PCSK5: variants seen among roughly 807,000 people sequenced by gnomAD.
PCSK5 encodes proprotein convertase subtilisin/kexin type 5, also known as prohormone convertase 5.
In PCSK5, 129 loss-of-function variants were observed where a neutral mutation model predicts 233.2. The ratio of observed to expected loss-of-function variants is 0.55; its 90% confidence interval spans 0.48 to 0.64. The LOEUF is 0.64. PCSK5 is among the 30% of genes least tolerant of loss of function. The pLI, the probability that PCSK5 is intolerant of heterozygous loss-of-function variation, is 0.00. For missense variants in PCSK5, 2,076 were observed against 2,430.1 expected (o/e 0.85, Z 3.06); for synonymous variants, 825 against 879.2 (o/e 0.94, Z 1.09).
chr9:75,995,358 G>A (rs781083435), intron 3 of PCSK5, among the ~76,000 whole-genome samples: 3 of 152,114 alleles, frequency 2.0e-5, no homozygotes, highest in Non-Finnish European at 4.4e-5. Context: ...AATGTGTGTT[G>A]AATGAATGAA....
intron 2 of PCSK5, among the ~76,000 whole-genome samples, chr9:75,947,286 C>T (rs1176809708): frequency 6.6e-6 from 1 of 151,908 alleles, no homozygotes; most frequent in Admixed American, 6.6e-5. Flanking sequence ...TTTTACAAAG[C>T]CATGAAAATT....
intron 5 of PCSK5, among the ~76,000 whole-genome samples, chr9:76,049,208 G>A (rs1829535885): frequency 6.6e-6 from 1 of 152,098 alleles, no homozygotes; most frequent in Admixed American, 6.5e-5. Flanking sequence ...AATATTTGGC[G>A]ATTCCTGCTC....
At chr9:75,931,096 AATG>A (rs1823770888) in intron 1 of PCSK5, among the ~76,000 whole-genome samples, 2 of 152,194 alleles carry the variant, frequency 1.3e-5, no homozygotes, top group Non-Finnish European at 2.9e-5. Context: ...TTCAAATCTT[AATG>A]ATGAGACATT....
chr9:75,931,002 C>A (rs541804849), intron 1 of PCSK5, among the ~76,000 whole-genome samples: 2 of 152,132 alleles, frequency 1.3e-5, no homozygotes, highest in African/African-American at 4.8e-5. Context: ...CTGCATTCCC[C>A]GCTTGTTTTC....
chr9:76,121,835 T>A (rs1333869149), intron 9 of PCSK5, among the ~76,000 whole-genome samples: 26 of 85,598 alleles, frequency 3.0e-4, no homozygotes, highest in Admixed American at 5.3e-4. Flanking sequence ...TTTTTTTTTT[T>A]TTTTTTGAGA....
At chr9:76,009,945 C>A (rs1222942790) in intron 3 of PCSK5, among the ~76,000 whole-genome samples, 2 of 152,162 alleles carry the variant, frequency 1.3e-5, no homozygotes, top group Non-Finnish European at 2.9e-5. Flanking sequence ...ATGGTCCAAG[C>A]CAGTCACGGG....
chr9:76,156,014 G>A (rs944411579), intron 10 of PCSK5, among the ~76,000 whole-genome samples: 8 of 152,144 alleles, frequency 5.3e-5, no homozygotes, highest in African/African-American at 1.9e-4. Context: ...TGAGCACATC[G>A]CGACAATCAA....
At position 76,328,109 on chromosome 9, in the gene PCSK5, G is replaced by A; in HGVS notation, c.4440G>A (p.Glu1480=). The A allele has an allele frequency of 1.9e-6, 3 of 1,612,842 alleles. No individual in the cohort carries two copies. The highest frequency in any genetic ancestry group is 2.5e-6 in the Non-Finnish European group (3 of 1,179,826). Reference sequence around the variant, plus strand: ...CTCGTGGGAGCTGCATGGCCAACGAGAAGTGCTCACCCTCCGAGTACTGGG... The same window carrying A: ...CTCGTGGGAGCTGCATGGCCAACGAAAAGTGCTCACCCTCCGAGTACTGGG... ...MNPRGSCMAN[E]KCSPSEYWDE... is the part of the protein sequence containing the mutation. Residue 1480 remains glutamate (E), a synonymous_variant, in exon 33 of 38, where the codon GAG becomes GAA. Coordinates refer to ENST00000674117, the MANE Select transcript of PCSK5 (RefSeq NM_001372043.1).
chr9:76,286,650 G>A (rs924633806), intron 24 of PCSK5: 9 of 156,396 alleles, frequency 5.8e-5, no homozygotes, highest in Non-Finnish European at 1.1e-4. Context: ...GCAATAGCAG[G>A]GGTGGGGACA....
chr9:76,128,933 G>A (rs1033613314), intron 9 of PCSK5, among the ~76,000 whole-genome samples: 8 of 152,148 alleles, frequency 5.3e-5, no homozygotes, highest in African/African-American at 1.7e-4. Context: ...CAAAACAAAT[G>A]CACCCCCAGT....
At position 76,350,822 on chromosome 9, in the gene PCSK5, T is replaced by C. The variant is rs1344039440; in HGVS notation, c.4967-6T>C. The C allele has an allele frequency of 2.6e-6, 4 of 1,555,774 alleles. No homozygotes were observed. The East Asian group carries it at 6.7e-5, about 26-fold the overall frequency. ...ATCTCATAACTTAGAATGTTTTCTC[T>C]TTCAGGAAAAGGAGCGTTGAATTGT... is the stretch of plus-strand genomic sequence containing the variant. On this transcript the variant is annotated splice_region_variant and splice_polypyrimidine_tract_variant and intron_variant, in intron 35 of 37. Transcript: ENST00000674117.
chr9:76,048,885 CAG>C (rs1829519551), intron 5 of PCSK5, among the ~76,000 whole-genome samples: 1 of 152,034 alleles, frequency 6.6e-6, no homozygotes, highest in Non-Finnish European at 1.5e-5. Flanking sequence ...TTACATAAAA[CAG>C]AATTCAGTGT....
At chr9:76,120,109 G>A (rs968111758) in intron 9 of PCSK5, among the ~76,000 whole-genome samples, 3 of 151,942 alleles carry the variant, frequency 2.0e-5, no homozygotes, top group South Asian at 2.1e-4. Context: ...AGTTTATTTT[G>A]TTGTCCAGTA....
chr9:76,342,149 A>C (rs1453710116), intron 35 of PCSK5, among the ~76,000 whole-genome samples: 1 of 152,144 alleles, frequency 6.6e-6, no homozygotes, highest in Non-Finnish European at 1.5e-5. Context: ...TTTATTCTAT[A>C]ATTTCATTAT....
chr9:75,940,697 A>G (rs1824263241), intron 2 of PCSK5, among the ~76,000 whole-genome samples: 1 of 152,310 alleles, frequency 6.6e-6, no homozygotes. Flanking sequence ...CCTGTACATA[A>G]TGGAGAGGTT....
chr9:76,323,369 A>C, intron 32 of PCSK5, 81 bp downstream of exon 32: 3 of 800,576 alleles, frequency 3.7e-6, no homozygotes, highest in South Asian at 1.8e-5. Context: ...CTGTCATCTC[A>C]ATCTTTTTTT....
rs369260752 is a variant in PCSK5, at chr9:76,028,985, C to T, written c.632+1948C>T. Among the ~76,000 whole-genome samples, 272 of 152,240 alleles carry T rather than the reference C, an allele frequency of 1.8e-3. 7 individuals carry two copies. The South Asian group carries it at 0.04, about 22-fold the overall frequency. ...TGCAAAGGTGATTCTAGTCCCTCCC[C>T]TTGGGTTTCATAACACCTTATTCTT... On this transcript the variant is annotated intron_variant, in intron 5 of 37. Coordinates refer to ENST00000674117, the MANE Select transcript of PCSK5 (RefSeq NM_001372043.1).
At chr9:76,063,355 A>C (rs1227365739) in intron 5 of PCSK5, among the ~76,000 whole-genome samples, 2 of 63,640 alleles carry the variant, frequency 3.1e-5, no homozygotes, top group South Asian at 5.1e-4. Flanking sequence ...TTTTATTGAT[A>C]ATTCTTGGGT....
chr9:76,283,803 T>C (rs191365485), intron 24 of PCSK5, among the ~76,000 whole-genome samples: 5 of 152,328 alleles, frequency 3.3e-5, no homozygotes, highest in Admixed American at 1.3e-4. Flanking sequence ...TGGAATCTAA[T>C]CATATCATTC....
Sources: gnomAD v4.1 joint callset for allele counts (sites outside exome capture counted in the v4.1 genomes callset) on GRCh38, gnomAD v4.1.1 for gene constraint, MANE v1.5 for transcripts, NCBI Gene and HGNC (gene_info 2026-07-23, HGNC 2026-07-21) for gene names.